Variants in JAKMIP3 observed in about 807,000 individuals in gnomAD.
The protein encoded by JAKMIP3 is janus kinase and microtubule-interacting protein 3.
In JAKMIP3, 58 loss-of-function variants were observed where a neutral mutation model predicts 118.5. The observed-to-expected ratio is 0.49, with a 90% CI of 0.40 to 0.61. The LOEUF is 0.61. Ranked by LOEUF, JAKMIP3 falls within the 20% of genes least tolerant of loss-of-function variation. The probability of loss-of-function intolerance (pLI) is 0.00; values close to 1 mark genes in which losing one functional copy is unlikely to be tolerated. For synonymous variants in JAKMIP3, 486 were observed against 451.2 expected (o/e 1.08, Z -0.98); for missense variants, 950 against 1,109.0 (o/e 0.86, Z 2.04).
At chr10:132,072,597 C>T (rs1204158515) in intron 1 of JAKMIP3, among the ~76,000 whole-genome samples, 1 of 152,024 alleles carries the variant, frequency 6.6e-6, no homozygotes, top group African/African-American at 2.4e-5. Context: ...GTTGTTTAGC[C>T]CATTTACATT....
At chr10:132,116,015 C>T (rs529548415) in intron 2 of JAKMIP3, among the ~76,000 whole-genome samples, 98 of 152,362 alleles carry the variant, frequency 6.4e-4, no homozygotes, top group Middle Eastern at 6.8e-3. Context: ...GCAGCGGTCC[C>T]GGCACTGTGG....
intron 1 of JAKMIP3, among the ~76,000 whole-genome samples, chr10:132,076,902 C>T (rs1029753853): frequency 6.5e-4 from 90 of 138,586 alleles, no homozygotes; most frequent in African/African-American, 2.4e-3. Context: ...GATTAAGGGC[C>T]GGACTGTGGT....
At position 132,179,186 on chromosome 10, in the gene JAKMIP3, G is replaced by A. The variant is rs547690714; in HGVS notation, c.*1104-3171G>A. Among the ~76,000 whole-genome samples the A allele has an allele frequency of 1.4e-4, 22 of 152,320 alleles. No individual in the cohort carries two copies. The highest frequency in any genetic ancestry group is 5.3e-4 in the African/African-American group (22 of 41,560). ...TTCCTACACTTCATCAGCTATCCTCGTTGCAGCCCAAGATAAAATTACCCA... is the reference window on the plus strand; with the variant it reads ...TTCCTACACTTCATCAGCTATCCTCATTGCAGCCCAAGATAAAATTACCCA... On this transcript the variant is annotated intron_variant, in intron 23 of 23. Coordinates refer to ENST00000684848, the MANE Select transcript of JAKMIP3 (RefSeq NM_001323087.2). The surrounding 1 kb of genome is among the most constrained non-coding windows in gnomAD (Gnocchi z 4.3).
chr10:132,130,480 C>A (rs1324701935), intron 3 of JAKMIP3, among the ~76,000 whole-genome samples: 1 of 152,248 alleles, frequency 6.6e-6, no homozygotes, highest in Admixed American at 6.5e-5. Flanking sequence ...GAGGGCCCCC[C>A]TGAGGTGCAG....
At chr10:132,171,308 A>G (rs2059459935) in intron 23 of JAKMIP3, among the ~76,000 whole-genome samples, 1 of 152,176 alleles carries the variant, frequency 6.6e-6, no homozygotes, top group Non-Finnish European at 1.5e-5. Context: ...GCAGCCAGCA[A>G]GGGGCTTTTG....
chr10:132,037,320 C>T (rs190407790), intron 1 of JAKMIP3, among the ~76,000 whole-genome samples: 1 of 152,142 alleles, frequency 6.6e-6, no homozygotes, highest in South Asian at 2.1e-4. Flanking sequence ...CCTCCTGCCC[C>T]CGTCTGAGGT....
intron 2 of JAKMIP3, among the ~76,000 whole-genome samples, chr10:132,109,395 C>T (rs2046492228): frequency 6.6e-6 from 1 of 152,138 alleles, no homozygotes; most frequent in South Asian, 2.1e-4. Context: ...GCTAGGCACC[C>T]CCCACAATTA....
At chr10:132,037,280 G>A (rs1486655074) in intron 1 of JAKMIP3, among the ~76,000 whole-genome samples, 2 of 152,130 alleles carry the variant, frequency 1.3e-5, no homozygotes, top group African/African-American at 4.8e-5. Flanking sequence ...CTTGCCTCTC[G>A]TGGAAAGCCG....
At chr10:132,136,164 A>C (rs201311474) in intron 6 of JAKMIP3, 88 bp downstream of exon 6, 18 of 1,438,568 alleles carry the variant, frequency 1.3e-5, no homozygotes, top group African/African-American at 1.4e-5. Context: ...ATTTAGCATG[A>C]CAGCCGGTCC....
At chr10:132,046,022 G>A (rs2037902706) in intron 1 of JAKMIP3, among the ~76,000 whole-genome samples, 1 of 151,864 alleles carries the variant, frequency 6.6e-6, no homozygotes, top group Non-Finnish European at 1.5e-5. Context: ...AGTGAGTTTT[G>A]ATAAATTCAC....
At chr10:132,048,458 T>C (rs1564850664) in intron 1 of JAKMIP3, among the ~76,000 whole-genome samples, 2 of 152,222 alleles carry the variant, frequency 1.3e-5, no homozygotes, top group Admixed American at 6.5e-5. Flanking sequence ...TAGGGACACG[T>C]GGATACTTAT....
intron 23 of JAKMIP3, among the ~76,000 whole-genome samples, 155 bp downstream of exon 23, chr10:132,169,188 C>T (rs921699112): frequency 3.9e-5 from 6 of 152,164 alleles, no homozygotes; most frequent in Admixed American, 6.5e-5. Context: ...CCGCCACTGA[C>T]GGGACAGGGC....
At chr10:132,180,708 C>CGCGCGCGTGTGT (rs2061116207) in intron 23 of JAKMIP3, among the ~76,000 whole-genome samples, 1 of 12,746 alleles carries the variant, frequency 7.8e-5, no homozygotes, top group African/African-American at 4.6e-4. Flanking sequence ...TGTGTGTGTG[C>CGCGCGCGTGTGT]GCGTGTGTGT....
chr10:132,074,680 G>A (rs1381161122), intron 1 of JAKMIP3, among the ~76,000 whole-genome samples: 12 of 152,254 alleles, frequency 7.9e-5, no homozygotes, highest in Admixed American at 6.5e-4. Flanking sequence ...AAACATTTTA[G>A]TTTAAGTCCC....
upstream of JAKMIP3, among the ~76,000 whole-genome samples, chr10:132,061,291 G>GGC (rs755647230): frequency 6.6e-6 from 1 of 151,750 alleles, no homozygotes; most frequent in Non-Finnish European, 1.5e-5. Flanking sequence ...CTGCCGTGAC[G>GGC]GCACACACAC....
At chr10:132,114,926 T>A (rs11146190) in intron 2 of JAKMIP3, among the ~76,000 whole-genome samples, 36,816 of 152,146 alleles carry the variant, frequency 0.24, 4,587 homozygotes, top group African/African-American at 0.29. Flanking sequence ...AATCCAGTGA[T>A]TTAAAAAATA....
At chr10:132,042,184 C>CTTCCTTCCTTCCT (rs1554909339) in intron 1 of JAKMIP3, among the ~76,000 whole-genome samples, 11,235 of 132,064 alleles carry the variant, frequency 0.085, 838 homozygotes, top group East Asian at 0.32. Flanking sequence ...TGCTCGCTCG[C>CTTCCTTCCTTCCT]TCCTTCCTTC....
At chr10:132,171,779 C>T (rs1366768572) in intron 23 of JAKMIP3, among the ~76,000 whole-genome samples, 2 of 151,814 alleles carry the variant, frequency 1.3e-5, no homozygotes, top group East Asian at 1.9e-4. Flanking sequence ...CTCAGCCTCC[C>T]GAGTAGCGGG....
intron 13 of JAKMIP3, 34 bp downstream of exon 13, chr10:132,145,614 C>G: frequency 3.9e-6 from 6 of 1,533,514 alleles, no homozygotes; most frequent in Non-Finnish European, 5.3e-6. Flanking sequence ...CCTGGCAGGA[C>G]TCGCTCTATG....
Sources: allele counts gnomAD v4.1 joint callset (sites outside exome capture counted in the v4.1 genomes callset), GRCh38; gene constraint gnomAD v4.1.1; non-coding constraint Gnocchi (gnomAD v3.1); transcripts MANE v1.5; gene names NCBI Gene and HGNC (gene_info 2026-07-23, HGNC 2026-07-21).